The following SHCBP1 variants were observed in gnomAD, a reference collection of about 807,000 sequenced individuals.
SHCBP1 encodes the protein SHC binding and spindle associated 1.
A neutral mutation model predicts 75.1 loss-of-function variants in SHCBP1; 60 were observed. That is an observed-to-expected ratio of 0.80 (90% CI 0.65 to 0.99). The LOEUF is 0.99. Among genes scored for constraint, SHCBP1 ranks in the 50% least tolerant of loss-of-function variants. The pLI is 0.00. For missense variants in SHCBP1, 709 were observed against 809.4 expected (o/e 0.88, Z 1.50); for synonymous variants, 290 against 293.2 (o/e 0.99, Z 0.11).
intron 10 of SHCBP1, among the ~76,000 whole-genome samples, chr16:46,590,816 G>C (rs543141807): frequency 1.3e-5 from 2 of 152,156 alleles, no homozygotes; most frequent in African/African-American, 4.8e-5. Context: ...CCCATTACTG[G>C]GTATATACCC....
In SHCBP1 at chr16:46,592,951, C is replaced by CAAAAAAAAAAAAAAAAAAAAAAAAA; in HGVS notation, c.1464+2576_1464+2600dup. On this transcript the variant is annotated intron_variant, in intron 10 of 12. Transcript: ENST00000303383. ...AACATCCACTTATGATAAAAATTCTCAAAAAAAAAAAAAAAAAAAAAAAAA... is the reference window on the plus strand; with the variant it reads ...AACATCCACTTATGATAAAAATTCTCAAAAAAAAAAAAAAAAAAAAAAAAAAAAAAAAAAAAAAAAAAAAAAAAAA... Among the ~76,000 whole-genome samples, 74 of 22,794 alleles carry CAAAAAAAAAAAAAAAAAAAAAAAAA rather than the reference C, an allele frequency of 3.2e-3. 16 individuals are homozygous for CAAAAAAAAAAAAAAAAAAAAAAAAA. Among genetic ancestry groups the CAAAAAAAAAAAAAAAAAAAAAAAAA allele is most frequent in the Non-Finnish European group, 3.9e-3 (47 of 12,160 alleles). The allele number at this position is 22,794 out of a possible 152,430, so 15.0% of individuals were successfully genotyped here. A position where few individuals can be genotyped will look rare whatever the true frequency, so the allele number is the denominator to read the frequency against.
chr16:46,613,951 A>C (rs753308087), intron 4 of SHCBP1, among the ~76,000 whole-genome samples: 3 of 152,218 alleles, frequency 2.0e-5, no homozygotes, highest in Non-Finnish European at 4.4e-5. Context: ...TCCTCAAATA[A>C]TACTACCAAA....
In SHCBP1 at chr16:46,579,675, C is replaced by G. The variant is rs1964841473; in HGVS notation, c.*2054G>C. ...AAAAGGCCAGGCACGTGGCTCATGC[C>G]TGTAATCCCAGCACTTTGGGAGGCC... On this transcript the variant is annotated 3_prime_UTR_variant, in exon 13 of 13. Coordinates refer to ENST00000303383, the MANE Select transcript of SHCBP1 (RefSeq NM_024745.5). Among the ~76,000 whole-genome samples the G allele has an allele frequency of 6.6e-6, 1 of 151,660 alleles. No homozygotes were observed. Among genetic ancestry groups the G allele is most frequent in the African/African-American group, 2.4e-5 (1 of 41,272 alleles).
In SHCBP1 at chr16:46,621,259, T is replaced by C; in HGVS notation, c.101A>G (p.Lys34Arg). 1 of 1,607,734 alleles carries C rather than the reference T, an allele frequency of 6.2e-7. No homozygotes were observed. The highest frequency in any genetic ancestry group is 1.3e-5 in the African/African-American group (1 of 74,898). Residue 34 changes from lysine to arginine, a missense_variant and splice_region_variant, in exon 1 of 13, where the codon AAA (lysine) becomes AGA (arginine). By Grantham distance (26) the Lys-to-Arg change is conservative. Transcript: ENST00000303383. Reference protein sequence around the residue: ...AVEQELASLEKGLFQDEDSCS... With the variant: ...AVEQELASLERGLFQDEDSCS... ...CGGCCCCGGCATGGAGAGCTCACCTTTCTCCAGAGACGCCAGCTCCTGCTC... is the reference window on the plus strand; with the variant it reads ...CGGCCCCGGCATGGAGAGCTCACCTCTCTCCAGAGACGCCAGCTCCTGCTC...
Position 46,581,357 on chromosome 16 carries a change from T to C in SHCBP1, c.*372A>G, listed in dbSNP as rs1176366224. 2 of 212,636 alleles carry C rather than the reference T, an allele frequency of 9.4e-6. No individual in the cohort carries two copies. Among genetic ancestry groups the C allele is most frequent in the African/African-American group, 4.7e-5 (2 of 42,514 alleles). The allele number at this position is 212,636 out of a possible 1,614,324, so 13.2% of individuals were successfully genotyped here. On this transcript the variant is annotated 3_prime_UTR_variant, in exon 13 of 13. Coordinates refer to ENST00000303383, the MANE Select transcript of SHCBP1 (RefSeq NM_024745.5). ...AACTCTAAGAAGAATGCTGTACATA[T>C]GACACCTATTGCATTTTTATGCACT...
At chr16:46,600,400 A>G (rs1158510125) in intron 8 of SHCBP1, among the ~76,000 whole-genome samples, 1 of 152,180 alleles carries the variant, frequency 6.6e-6, no homozygotes, top group Non-Finnish European at 1.5e-5. Flanking sequence ...CAGAATTTTA[A>G]GGCTGCAGTA....
intron 12 of SHCBP1, 137 bp downstream of exon 12, chr16:46,583,379 C>T: frequency 1.2e-6 from 1 of 856,132 alleles, no homozygotes; most frequent in Non-Finnish European, 1.8e-6. Context: ...TTAATGTTAC[C>T]AAGCTTCTCT....
Position 46,595,619 on chromosome 16 carries a change from G to A in SHCBP1, c.1397C>T (p.Thr466Met). The A allele has an allele frequency of 6.2e-6, 10 of 1,614,122 alleles. No homozygotes were observed. The highest frequency in any genetic ancestry group is 1.7e-4 in the Middle Eastern group (1 of 6,060). Residue 466 changes from threonine (T) to methionine (M), a missense_variant, in exon 10 of 13, where the codon ACG (threonine) becomes ATG (methionine). By Grantham distance (81) the Thr-to-Met change is moderately conservative. Coordinates refer to ENST00000303383, the MANE Select transcript of SHCBP1 (RefSeq NM_024745.5). ...TGATGTCCGCACTGTGACTCCGGTC[G>A]TCTCACACTGCAGCACACAGTTTTC... is the stretch of plus-strand genomic sequence containing the variant. The part of the protein sequence containing the change: ...TLENCVLQCE[T>M]TGVTVRTSAE...
chr16:46,615,929 T>G lies in SHCBP1; in HGVS notation c.596+17A>C. On this transcript the variant is annotated intron_variant, in intron 4 of 12. Coordinates refer to ENST00000303383, the MANE Select transcript of SHCBP1 (RefSeq NM_024745.5). Reference sequence around the variant, plus strand: ...GTTTCTGGCCACAAGGTTATTTTTCTCAACTTCTTTTCCTACCTGACATGC... The same window carrying G: ...GTTTCTGGCCACAAGGTTATTTTTCGCAACTTCTTTTCCTACCTGACATGC... The G allele has an allele frequency of 6.2e-7, 1 of 1,613,652 alleles. No individual in the cohort carries two copies. Among genetic ancestry groups the G allele is most frequent in the Non-Finnish European group, 8.5e-7 (1 of 1,179,552 alleles).
intron 12 of SHCBP1, among the ~76,000 whole-genome samples, chr16:46,582,894 T>C (rs1317243921): frequency 6.6e-6 from 1 of 152,218 alleles, no homozygotes; most frequent in Admixed American, 6.5e-5. Flanking sequence ...TGCTTTAAAC[T>C]TTCCTCACCT....
At chr16:46,611,686 G>C (rs1047510727) in intron 4 of SHCBP1, among the ~76,000 whole-genome samples, 2 of 152,182 alleles carry the variant, frequency 1.3e-5, no homozygotes, top group African/African-American at 2.4e-5. Context: ...ATATCAGTCA[G>C]CCTATGGTAA....
intron 4 of SHCBP1, among the ~76,000 whole-genome samples, chr16:46,615,526 G>A (rs1309173191): frequency 6.6e-6 from 1 of 152,134 alleles, no homozygotes; most frequent in African/African-American, 2.4e-5. Context: ...GATCACCTGA[G>A]GTCAAGAGTT....
rs1253822791 is a variant in SHCBP1, at chr16:46,621,301, C to A, written c.59G>T (p.Arg20Leu). Residue 20 changes from arginine (R) to leucine (L), a missense_variant, in exon 1 of 13, where the codon CGC (arginine) becomes CTC (leucine). Transcript: ENST00000303383. ...CTCCTGCTCCACCGCCCAGCCCATG[C>A]GCTCCGGCGCCATGGCCGCTGCCTC... ...GLEAAAMAPERMGWAVEQELA... is the reference protein window; with the variant it reads ...GLEAAAMAPELMGWAVEQELA... The A allele has an allele frequency of 6.2e-6, 10 of 1,610,786 alleles. No individual in the cohort carries two copies. Among genetic ancestry groups the A allele is most frequent in the South Asian group, 1.1e-5 (1 of 91,002 alleles).
chr16:46,608,648 G>A (rs559103016), intron 4 of SHCBP1, among the ~76,000 whole-genome samples: 2 of 149,494 alleles, frequency 1.3e-5, no homozygotes, highest in East Asian at 2.0e-4. Context: ...CTGTCTCTGG[G>A]GCTGGAGTGC....
chr16:46,618,122 GCCGAGATCGCA>G (rs1965530737), intron 2 of SHCBP1, 72 bp downstream of exon 2: 1 of 1,365,626 alleles, frequency 7.3e-7, no homozygotes, highest in Non-Finnish European at 9.9e-7. Context: ...GTTGCGGTGA[GCCGAGATCGCA>G]CCATCGCACT....
chr16:46,590,629 A>T (rs1965030328), intron 10 of SHCBP1, among the ~76,000 whole-genome samples: 1 of 152,256 alleles, frequency 6.6e-6, no homozygotes, highest in South Asian at 2.1e-4. Flanking sequence ...ACCATTTCAC[A>T]CCAGTTAGAA....
chr16:46,619,807 G>T (rs1567456585), intron 1 of SHCBP1, among the ~76,000 whole-genome samples: 1 of 152,148 alleles, frequency 6.6e-6, no homozygotes, highest in Non-Finnish European at 1.5e-5. Context: ...GGCCGAGATG[G>T]GCGGATCACC....
At position 46,583,650 on chromosome 16, in the gene SHCBP1, A is replaced by G; in HGVS notation, c.1559T>C (p.Leu520Ser). The change falls in exon 12 of 13, where the codon TTA becomes TCA. Residue 520 changes from leucine to serine, a missense_variant. By Grantham distance (145) the Leu-to-Ser change is moderately radical (BLOSUM62 -2). Coordinates refer to ENST00000303383, the MANE Select transcript of SHCBP1 (RefSeq NM_024745.5). ...CKEGILIKDF[L>S]DEHYDIPKIS... ...CTTGGGAATGTCATAATGTTCATCT[A>G]AGAAGTCCTGTGACATTGAAAACAA... is the stretch of plus-strand genomic sequence containing the variant. 6.2e-7 allele frequency: 1 copy of G among 1,602,180 alleles called. No homozygotes were observed. Among genetic ancestry groups the G allele is most frequent in the Non-Finnish European group, 8.5e-7 (1 of 1,177,498 alleles).
chr16:46,612,296 G>C (rs1965428531), intron 4 of SHCBP1, among the ~76,000 whole-genome samples: 1 of 152,226 alleles, frequency 6.6e-6, no homozygotes, highest in Admixed American at 6.5e-5. Flanking sequence ...TAATTTCAGA[G>C]ATGAGGTCAG....
Sources: allele counts gnomAD v4.1 joint callset (sites outside exome capture counted in the v4.1 genomes callset), GRCh38; gene constraint gnomAD v4.1.1; transcripts MANE v1.5; gene names NCBI Gene and HGNC (gene_info 2026-07-23, HGNC 2026-07-21).